CHST9: variants seen among roughly 807,000 people sequenced by gnomAD.
The protein encoded by CHST9 is carbohydrate sulfotransferase 9.
A neutral mutation model predicts 44.4 loss-of-function variants in CHST9; 41 were observed. That is an observed-to-expected ratio of 0.92 (90% CI 0.72 to 1.20). The LOEUF (loss-of-function observed/expected upper bound fraction) is 1.20, where lower values mean the gene tolerates loss of function less well. Ranked by LOEUF, CHST9 falls within the 50% of genes most tolerant of loss-of-function variation. CHST9 has a pLI of 0.00. For synonymous variants in CHST9, 171 were observed against 178.4 expected, an observed-to-expected ratio of 0.96 and a Z score of 0.33; for missense variants, 504 against 516.5, an observed-to-expected ratio of 0.98 and a Z score of 0.23.
At chr18:27,112,608 TG>T (rs2143785935) in intron 2 of CHST9, among the ~76,000 whole-genome samples, 1 of 146,088 alleles carries the variant, frequency 6.8e-6, no homozygotes, top group South Asian at 2.2e-4. Context: ...TGTGTGTGTG[TG>T]TGTGTGTAGG....
chr18:27,098,602 C>T (rs888344048), intron 2 of CHST9, among the ~76,000 whole-genome samples: 3 of 152,122 alleles, frequency 2.0e-5, no homozygotes, highest in Non-Finnish European at 4.4e-5. Flanking sequence ...CACATATACA[C>T]CATGGAATAC....
chr18:27,167,309 T>C (rs2058798432), intron 1 of CHST9, among the ~76,000 whole-genome samples: 1 of 152,204 alleles, frequency 6.6e-6, no homozygotes, highest in Non-Finnish European at 1.5e-5. Flanking sequence ...AGGTTCTTCA[T>C]AAATTGGTCA....
At chr18:26,930,864 G>A (rs1353442600) in intron 5 of CHST9, 2 of 149,782 alleles carry the variant, frequency 1.3e-5, no homozygotes, top group African/African-American at 4.9e-5. Flanking sequence ...GGGAGCTGGG[G>A]GCACACCAAC....
intron 1 of CHST9, among the ~76,000 whole-genome samples, chr18:27,153,199 T>G (rs1294511430): frequency 6.6e-6 from 1 of 152,204 alleles, no homozygotes; most frequent in African/African-American, 2.4e-5. Flanking sequence ...ATCCCAACAG[T>G]GTCATCCTAT....
At chr18:26,968,666 T>A (rs1265459244) in intron 4 of CHST9, among the ~76,000 whole-genome samples, 4 of 152,344 alleles carry the variant, frequency 2.6e-5, no homozygotes, top group Non-Finnish European at 4.4e-5. Flanking sequence ...GGTGCATGCA[T>A]TTCATACCAT....
intron 2 of CHST9, among the ~76,000 whole-genome samples, chr18:27,052,288 G>GTGTATATATA (rs1371243533): frequency 7.2e-5 from 5 of 69,364 alleles, no homozygotes; most frequent in Non-Finnish European, 2.4e-4. Context: ...GTATATATAT[G>GTGTATATATA]TGTGTATATA....
At chr18:26,920,974 T>A (rs1328281630) in intron 5 of CHST9, among the ~76,000 whole-genome samples, 2 of 152,168 alleles carry the variant, frequency 1.3e-5, no homozygotes, top group Non-Finnish European at 1.5e-5. Flanking sequence ...TGAATCAGAA[T>A]GTCTGAGTGT....
intron 4 of CHST9, among the ~76,000 whole-genome samples, chr18:27,005,342 T>C (rs2057003976): frequency 6.6e-6 from 1 of 152,180 alleles, no homozygotes; most frequent in Non-Finnish European, 1.5e-5. Flanking sequence ...CTCAGCCCAA[T>C]AATTTATAGA....
chr18:26,926,650 G>GGA (rs2055773917), intron 5 of CHST9, among the ~76,000 whole-genome samples: 1 of 152,168 alleles, frequency 6.6e-6, no homozygotes, highest in African/African-American at 2.4e-5. Flanking sequence ...GAAAATGAAT[G>GGA]GAGAAGTCAG....
chr18:27,091,283 G>C (rs145336071), intron 2 of CHST9, among the ~76,000 whole-genome samples: 1,587 of 152,196 alleles, frequency 0.01, 24 homozygotes, highest in African/African-American at 0.033. Flanking sequence ...TGTAATTTTT[G>C]CACATTGATT....
intron 1 of CHST9, among the ~76,000 whole-genome samples, chr18:27,178,489 T>C (rs1231387302): frequency 2.6e-5 from 4 of 152,150 alleles, no homozygotes; most frequent in Non-Finnish European, 4.4e-5. Flanking sequence ...ATATTAACTC[T>C]TCATTTTCAA....
intron 1 of CHST9, among the ~76,000 whole-genome samples, chr18:27,162,720 T>C (rs2143933933): frequency 6.6e-6 from 1 of 152,326 alleles, no homozygotes; most frequent in South Asian, 2.1e-4. Context: ...TGTCTAATTT[T>C]TTTTCGAGGT....
intron 2 of CHST9, among the ~76,000 whole-genome samples, chr18:27,056,412 A>G (rs1012279817): frequency 3.9e-5 from 6 of 152,148 alleles, no homozygotes; most frequent in Non-Finnish European, 7.3e-5. Context: ...TGTGGTGATT[A>G]AGGACAATTT....
intron 4 of CHST9, among the ~76,000 whole-genome samples, chr18:26,983,967 C>T (rs1664252869): frequency 6.6e-6 from 1 of 152,126 alleles, no homozygotes; most frequent in Admixed American, 6.6e-5. Flanking sequence ...TAGGGTCAAC[C>T]CCTCTTCACT....
intron 2 of CHST9, among the ~76,000 whole-genome samples, chr18:27,071,959 C>T (rs926993242): frequency 1.3e-5 from 2 of 152,138 alleles, no homozygotes; most frequent in African/African-American, 4.8e-5. Context: ...TGGCCTTCTA[C>T]ATATTTGCTG....
intron 3 of CHST9, among the ~76,000 whole-genome samples, chr18:27,042,052 T>C (rs776726803): frequency 3.3e-5 from 5 of 152,046 alleles, no homozygotes; most frequent in South Asian, 2.1e-4. Context: ...ATGCTGGAGA[T>C]GGATTGCCTG....
At chr18:27,101,453 T>A (rs1021702897) in intron 2 of CHST9, among the ~76,000 whole-genome samples, 2 of 124,276 alleles carry the variant, frequency 1.6e-5, no homozygotes, top group Non-Finnish European at 3.3e-5. Flanking sequence ...ATTAGCCGGG[T>A]GCGGTGGCGG....
At chr18:26,972,827 T>G (rs2056567545) in intron 4 of CHST9, among the ~76,000 whole-genome samples, 1 of 152,136 alleles carries the variant, frequency 6.6e-6, no homozygotes. Context: ...AGATTTCCTT[T>G]CAAGTGTGTG....
intron 2 of CHST9, among the ~76,000 whole-genome samples, chr18:27,110,151 TTTTTGGATTA>T (rs1307443414): frequency 6.6e-6 from 1 of 151,962 alleles, no homozygotes; most frequent in African/African-American, 2.4e-5. Context: ...TCTTTTTTTT[TTTTTGGATTA>T]TTCCTGCCAC....
Sources: allele counts gnomAD v4.1 joint callset (sites outside exome capture counted in the v4.1 genomes callset), GRCh38; gene constraint gnomAD v4.1.1; transcripts MANE v1.5; gene names NCBI Gene and HGNC (gene_info 2026-07-23, HGNC 2026-07-21).